Variants in SEMA3D observed in about 807,000 individuals in gnomAD.
The protein encoded by SEMA3D is semaphorin 3D.
SEMA3D carries 84 observed loss-of-function variants against 100.1 expected under a neutral mutation model. That is an observed-to-expected ratio of 0.84 (90% CI 0.70 to 1.01). The LOEUF (loss-of-function observed/expected upper bound fraction) is 1.01, where lower values mean the gene tolerates loss of function less well. Among genes scored for constraint, SEMA3D ranks in the 50% least tolerant of loss-of-function variants. The pLI, the probability that SEMA3D is intolerant of heterozygous loss-of-function variation, is 0.00. For synonymous variants in SEMA3D, 312 were observed against 320.7 expected (o/e 0.97, Z 0.29); for missense variants, 875 against 934.1 (o/e 0.94, Z 0.82).
At chr7:85,159,543 A>G (rs1790689244) in intron 1 of SEMA3D, among the ~76,000 whole-genome samples, 2 of 152,202 alleles carry the variant, frequency 1.3e-5, no homozygotes, top group Admixed American at 1.3e-4. Context: ...TTGATTTGGT[A>G]GGCAATGGGG....
chr7:85,140,720 C>G, intron 2 of SEMA3D: 1 of 979,638 alleles, frequency 1.0e-6, no homozygotes, highest in Non-Finnish European at 1.2e-6. Flanking sequence ...CTATTTAATA[C>G]AAGTTTCTTC....
the SEMA3D span, among the ~76,000 whole-genome samples, chr7:85,216,924 G>GC: frequency 6.6e-6 from 1 of 151,424 alleles, no homozygotes; most frequent in Non-Finnish European, 1.5e-5. Flanking sequence ...ACTTGGATTT[G>GC]CCCTTGAGTC....
At position 85,068,225 on chromosome 7, in the gene SEMA3D, G is replaced by T. The variant is rs750300091; in HGVS notation, c.555C>A (p.Phe185Leu). 6.2e-7 allele frequency: 1 copy of T among 1,608,144 alleles called. No homozygotes were observed. The change falls in exon 7 of 19, where the codon TTC becomes TTA. Residue 185 changes from phenylalanine (F) to leucine (L), a missense_variant. Coordinates refer to ENST00000284136, the MANE Select transcript of SEMA3D (RefSeq NM_001384900.1). ...NLESGRLKCP[F>L]DPQQPFASVM... Reference sequence around the variant, plus strand: ...CTGAAGCAAAAGGCTGCTGAGGATCGAAAGGACATTTCAGTCTGCCAGACT... The same window carrying T: ...CTGAAGCAAAAGGCTGCTGAGGATCTAAAGGACATTTCAGTCTGCCAGACT...
chr7:85,207,470 A>AT, the SEMA3D span, among the ~76,000 whole-genome samples: 2 of 152,002 alleles, frequency 1.3e-5, no homozygotes, highest in African/African-American at 4.8e-5. Flanking sequence ...TTAAAATGAT[A>AT]TTTTTTCAAA....
chr7:85,219,949 T>C, the SEMA3D span, among the ~76,000 whole-genome samples: 1 of 152,204 alleles, frequency 6.6e-6, no homozygotes. Context: ...ATTAATATTA[T>C]TCCAAGTTTG....
At chr7:85,073,435 A>T (rs565470845) in intron 5 of SEMA3D, among the ~76,000 whole-genome samples, 18 of 151,690 alleles carry the variant, frequency 1.2e-4, no homozygotes, top group African/African-American at 3.9e-4. Flanking sequence ...TTTTTTTTAG[A>T]GATGACACCT....
At chr7:85,170,700 T>C (rs549345925) in intron 1 of SEMA3D, among the ~76,000 whole-genome samples, 1 of 152,096 alleles carries the variant, frequency 6.6e-6, no homozygotes, top group South Asian at 2.1e-4. Context: ...GGTTAATTAA[T>C]CTCCTTGAAA....
At chr7:85,145,115 C>A (rs527405698) in intron 2 of SEMA3D, among the ~76,000 whole-genome samples, 1 of 152,114 alleles carries the variant, frequency 6.6e-6, no homozygotes, top group African/African-American at 2.4e-5. Flanking sequence ...TTTTTAAACT[C>A]TTTCTGGAAT....
chr7:85,034,658 C>T (rs949884904), intron 12 of SEMA3D, among the ~76,000 whole-genome samples: 1 of 151,838 alleles, frequency 6.6e-6, no homozygotes, highest in South Asian at 2.1e-4. Flanking sequence ...GGGCTAAGTA[C>T]TTCAATAGAC....
chr7:85,181,976 T>C (rs1350295261), intron 1 of SEMA3D: 1 of 153,226 alleles, frequency 6.5e-6, no homozygotes, highest in Non-Finnish European at 1.5e-5. Context: ...TGTTTACCTA[T>C]GTATAAATGT....
At chr7:85,045,133 T>C (rs557335810) in intron 9 of SEMA3D, among the ~76,000 whole-genome samples, 3 of 151,974 alleles carry the variant, frequency 2.0e-5, no homozygotes, top group Non-Finnish European at 4.4e-5. Context: ...AAACTACATA[T>C]GTAGAGATTG....
the SEMA3D span, among the ~76,000 whole-genome samples, chr7:85,193,256 A>C: frequency 4.6e-5 from 7 of 152,226 alleles, no homozygotes; most frequent in South Asian, 8.3e-4. Context: ...GAAATTCACA[A>C]GTTAATGGAG....
At chr7:85,097,032 T>C (rs536260186) in intron 4 of SEMA3D, among the ~76,000 whole-genome samples, 2 of 151,920 alleles carry the variant, frequency 1.3e-5, no homozygotes, top group Admixed American at 1.3e-4. Context: ...AGATCTGATA[T>C]TATGTAATCT....
intron 13 of SEMA3D, among the ~76,000 whole-genome samples, chr7:85,020,723 G>A (rs1160164296): frequency 1.3e-5 from 2 of 151,318 alleles, no homozygotes; most frequent in Admixed American, 1.3e-4. Context: ...TTATTAAGTA[G>A]TTATTATATC....
chr7:85,072,262 A>G (rs1791795651), intron 6 of SEMA3D, among the ~76,000 whole-genome samples: 1 of 152,220 alleles, frequency 6.6e-6, no homozygotes, highest in Admixed American at 6.5e-5. Flanking sequence ...TAATTAATAC[A>G]TCCTTTATTT....
At chr7:85,215,967 T>C in the SEMA3D span, among the ~76,000 whole-genome samples, 437 of 152,256 alleles carry the variant, frequency 2.9e-3, 1 homozygote, top group African/African-American at 9.9e-3. Flanking sequence ...TAAGGTTCTT[T>C]TTCATAATAT....
chr7:85,232,019 C>A, the SEMA3D span, among the ~76,000 whole-genome samples: 2 of 151,954 alleles, frequency 1.3e-5, no homozygotes, highest in South Asian at 4.2e-4. Context: ...AAAAGATTCA[C>A]CCACTCTATT....
At chr7:85,200,220 A>T in the SEMA3D span, among the ~76,000 whole-genome samples, 1 of 152,232 alleles carries the variant, frequency 6.6e-6, no homozygotes. Flanking sequence ...ACTGGGTAAC[A>T]TGCTGGGGAT....
chr7:85,068,976 A>G (rs1194049593), intron 6 of SEMA3D, among the ~76,000 whole-genome samples: 2 of 152,154 alleles, frequency 1.3e-5, no homozygotes, highest in African/African-American at 2.4e-5. Context: ...GGGAAAATAA[A>G]TAACATCTTA....
Sources: allele counts gnomAD v4.1 joint callset (sites outside exome capture counted in the v4.1 genomes callset), GRCh38; gene constraint gnomAD v4.1.1; transcripts MANE v1.5; gene names NCBI Gene and HGNC (gene_info 2026-07-23, HGNC 2026-07-21).